Variants in ZCWPW2 observed in about 807,000 individuals in gnomAD.
ZCWPW2 encodes the protein zinc finger CW-type PWWP domain protein 2.
In ZCWPW2, 45 loss-of-function variants were observed where a neutral mutation model predicts 46.6. The observed-to-expected ratio is 0.96, with a 90% CI of 0.76 to 1.24. The LOEUF is 1.24. Ranked by LOEUF, ZCWPW2 falls within the 50% of genes most tolerant of loss-of-function variation. The pLI, the probability that ZCWPW2 is intolerant of heterozygous loss-of-function variation, is 0.00. For synonymous variants in ZCWPW2, 152 were observed against 137.1 expected, an observed-to-expected ratio of 1.11 and a Z score of -0.76; for missense variants, 429 against 403.9, an observed-to-expected ratio of 1.06 and a Z score of -0.53.
chr3:28,471,802 G>A (rs777082932), intron 4 of ZCWPW2, among the ~76,000 whole-genome samples: 21 of 152,106 alleles, frequency 1.4e-4, no homozygotes, highest in Admixed American at 1.0e-3. Context: ...TTGTTTGCAG[G>A]TGATATCATC....
chr3:28,414,703 C>T (rs1320962955), intron 3 of ZCWPW2, among the ~76,000 whole-genome samples: 2 of 104,524 alleles, frequency 1.9e-5, no homozygotes, highest in Non-Finnish European at 1.9e-5. Flanking sequence ...TGAGAACATG[C>T]GGTGTTTGGT....
chr3:28,379,701 C>A (rs1372465215), intron 1 of ZCWPW2, among the ~76,000 whole-genome samples: 1 of 151,986 alleles, frequency 6.6e-6, no homozygotes, highest in Non-Finnish European at 1.5e-5. Flanking sequence ...TGATTGTACT[C>A]TTTAAATGGG....
At chr3:28,447,629 C>T (rs778718688) in intron 4 of ZCWPW2, 3 of 294,312 alleles carry the variant, frequency 1.0e-5, no homozygotes, top group Admixed American at 3.8e-5. Flanking sequence ...CCATTCTATT[C>T]AACATAGTTC....
chr3:28,484,621 G>A (rs905033380), intron 5 of ZCWPW2, among the ~76,000 whole-genome samples: 1 of 151,846 alleles, frequency 6.6e-6, no homozygotes, highest in African/African-American at 2.4e-5. Flanking sequence ...TTGTTATAAT[G>A]TCTACCTCTT....
At chr3:28,364,493 G>A (rs926174779) in intron 1 of ZCWPW2, among the ~76,000 whole-genome samples, 26 of 151,964 alleles carry the variant, frequency 1.7e-4, no homozygotes, top group African/African-American at 5.8e-4. Context: ...GGGATTGCTG[G>A]ATCAAATGGT....
chr3:28,501,217 A>G (rs550087873), intron 6 of ZCWPW2, among the ~76,000 whole-genome samples: 2 of 152,282 alleles, frequency 1.3e-5, no homozygotes, highest in Admixed American at 6.5e-5. Flanking sequence ...TCCAGCAGGA[A>G]GAAGGAAACA....
At chr3:28,357,286 G>T (rs919232617) in intron 1 of ZCWPW2, among the ~76,000 whole-genome samples, 2 of 152,172 alleles carry the variant, frequency 1.3e-5, no homozygotes, top group East Asian at 1.9e-4. Flanking sequence ...CAAATACGTT[G>T]TGTAGCAAAG....
intron 6 of ZCWPW2, among the ~76,000 whole-genome samples, chr3:28,512,259 C>G (rs539208302): frequency 6.6e-6 from 1 of 152,172 alleles, no homozygotes; most frequent in South Asian, 2.1e-4. Context: ...CTCACTGCAG[C>G]CTCCGCCTTC....
intron 1 of ZCWPW2, among the ~76,000 whole-genome samples, chr3:28,389,149 G>A (rs900699302): frequency 2.0e-5 from 3 of 152,084 alleles, no homozygotes; most frequent in Admixed American, 6.6e-5. Flanking sequence ...GGCATCTTGG[G>A]AACAGGAAGC....
intron 4 of ZCWPW2, chr3:28,447,859 T>C (rs1698058476): frequency 2.9e-6 from 3 of 1,030,454 alleles, no homozygotes; most frequent in Non-Finnish European, 4.5e-6. Flanking sequence ...CAAATCTGCA[T>C]GTGGTGTGTG....
At chr3:28,349,242 G>GT (rs746417295) in intron 1 of ZCWPW2, 39 bp downstream of exon 1, 529 of 981,736 alleles carry the variant, frequency 5.4e-4, no homozygotes, top group Non-Finnish European at 6.1e-4. Flanking sequence ...TTGGGCCGAG[G>GT]TCCCCCTTCA....
At chr3:28,398,659 T>TAC (rs917224753) in intron 2 of ZCWPW2, among the ~76,000 whole-genome samples, 4 of 151,998 alleles carry the variant, frequency 2.6e-5, no homozygotes, top group Admixed American at 6.5e-5. Context: ...TGCCCCCAAA[T>TAC]ACACACCCCC....
At chr3:28,455,825 T>G (rs1024770258) in intron 4 of ZCWPW2, among the ~76,000 whole-genome samples, 1 of 152,158 alleles carries the variant, frequency 6.6e-6, no homozygotes, top group African/African-American at 2.4e-5. Context: ...GGTTCTTTAT[T>G]ATGTTTCATT....
At chr3:28,463,253 G>A (rs761480476) in intron 4 of ZCWPW2, among the ~76,000 whole-genome samples, 2 of 152,018 alleles carry the variant, frequency 1.3e-5, no homozygotes, top group Non-Finnish European at 2.9e-5. Flanking sequence ...AGTTGCCAAA[G>A]TAATATAAAC....
chr3:28,467,967 A>T (rs1575169488), intron 4 of ZCWPW2, among the ~76,000 whole-genome samples: 2 of 152,272 alleles, frequency 1.3e-5, no homozygotes, highest in South Asian at 4.1e-4. Flanking sequence ...GACCTCACCA[A>T]ACAAAGTAAA....
chr3:28,438,300 C>T (rs2125767139), intron 4 of ZCWPW2, among the ~76,000 whole-genome samples: 1 of 152,308 alleles, frequency 6.6e-6, no homozygotes, highest in African/African-American at 2.4e-5. Flanking sequence ...ATTGAAAGGG[C>T]TGGCACCCTT....
chr3:28,489,295 C>G (rs560674454), intron 5 of ZCWPW2, among the ~76,000 whole-genome samples: 5 of 151,506 alleles, frequency 3.3e-5, no homozygotes, highest in Non-Finnish European at 7.4e-5. Flanking sequence ...GACTTTTATC[C>G]TTATTAGAGG....
At chr3:28,402,595 A>G (rs1695991518) in intron 2 of ZCWPW2, among the ~76,000 whole-genome samples, 1 of 152,194 alleles carries the variant, frequency 6.6e-6, no homozygotes, top group Non-Finnish European at 1.5e-5. Context: ...AAAAAGACAT[A>G]AGCAAAAAAG....
At chr3:28,376,040 C>G (rs1210375342) in intron 1 of ZCWPW2, among the ~76,000 whole-genome samples, 1 of 151,960 alleles carries the variant, frequency 6.6e-6, no homozygotes, top group Non-Finnish European at 1.5e-5. Flanking sequence ...ATCCATTCAT[C>G]TATTGGTGGA....
Sources: allele counts gnomAD v4.1 joint callset (sites outside exome capture counted in the v4.1 genomes callset), GRCh38; gene constraint gnomAD v4.1.1; transcripts MANE v1.5; gene names NCBI Gene and HGNC (gene_info 2026-07-23, HGNC 2026-07-21).